MPP4: variants seen among roughly 807,000 people sequenced by gnomAD.
MPP4 encodes MAGUK p55 scaffold protein 4.
Under a neutral mutation model 98.3 loss-of-function variants are expected in MPP4, and 91 were observed. The ratio of observed to expected loss-of-function variants is 0.93; its 90% confidence interval spans 0.78 to 1.10. The LOEUF is 1.10. Among genes scored for constraint, MPP4 ranks in the 50% least tolerant of loss-of-function variants. MPP4 has a pLI of 0.00. For synonymous variants in MPP4, 261 were observed against 271.8 expected (o/e 0.96, Z 0.39); for missense variants, 744 against 792.9 (o/e 0.94, Z 0.74).
At chr2:201,651,768 A>G (rs1359951450) in intron 18 of MPP4, 1 of 469,584 alleles carries the variant, frequency 2.1e-6, no homozygotes, top group African/African-American at 2.1e-5. Flanking sequence ...AGCCTAGCCA[A>G]CATGGTGAAA....
chr2:201,676,813 T>C (rs918447142), intron 10 of MPP4, among the ~76,000 whole-genome samples: 1 of 152,104 alleles, frequency 6.6e-6, no homozygotes, highest in African/African-American at 2.4e-5. Flanking sequence ...GGCAGGGAAA[T>C]GGCTTGAACC....
In MPP4 at chr2:201,687,452, T is replaced by C. The variant is rs1559017978; in HGVS notation, c.280-81A>G. The C allele has an allele frequency of 1.8e-5, 18 of 1,017,132 alleles. No homozygotes were observed. In the East Asian group the frequency reaches 4.4e-4, roughly 25 times the overall value. The allele number at this position is 1,017,132 out of a possible 1,614,324, so 63.0% of individuals were successfully genotyped here. On this transcript the variant is annotated intron_variant, in intron 4 of 21. Transcript: ENST00000409474. The stretch of plus-strand genomic sequence containing the variant: ...TTAACCTCACCCAGGCTGGATAACA[T>C]ACATACTAACATGATATTGACCTTT...
chr2:201,662,094 A>G, intron 14 of MPP4: 1 of 384,310 alleles, frequency 2.6e-6, no homozygotes, highest in South Asian at 2.1e-5. Flanking sequence ...TTTTTTTATA[A>G]CTAATATTTG....
At chr2:201,656,998 C>T (rs544605951) in intron 16 of MPP4, among the ~76,000 whole-genome samples, 60 of 152,290 alleles carry the variant, frequency 3.9e-4, no homozygotes, top group South Asian at 6.2e-4. Context: ...CACACAGGGC[C>T]TCTGAAAGTG....
At chr2:201,669,781 G>A in intron 11 of MPP4, 31 bp from the exon 12 acceptor site, 1 of 1,366,700 alleles carries the variant, frequency 7.3e-7, no homozygotes. Flanking sequence ...GAAGCAGGGG[G>A]GATAAAAAGA....
chr2:201,674,572 T>C (rs6727377), intron 11 of MPP4, among the ~76,000 whole-genome samples: 152,280 of 152,284 alleles, frequency 1, 76,138 homozygotes, highest in Non-Finnish European at 1. Context: ...GGGGGAGATC[T>C]GATCTAGCCC....
chr2:201,675,586 C>G (rs1262800342), intron 10 of MPP4, among the ~76,000 whole-genome samples: 1 of 152,214 alleles, frequency 6.6e-6, no homozygotes, highest in Non-Finnish European at 1.5e-5. Flanking sequence ...GCCTCTCAGG[C>G]ATGTTAGCCT....
At chr2:201,680,760 G>A in intron 10 of MPP4, 78 bp downstream of exon 10, 1 of 1,303,322 alleles carries the variant, frequency 7.7e-7, no homozygotes. Flanking sequence ...ATCTCATCTT[G>A]AGGTAACAGA....
chr2:201,665,421 C>T (rs1222463962), intron 13 of MPP4: 1 of 152,004 alleles, frequency 6.6e-6, no homozygotes, highest in African/African-American at 2.4e-5. Flanking sequence ...ACTGAAGAAA[C>T]TATTAAAATT....
At chr2:201,686,126 T>C in intron 5 of MPP4, 76 bp from the exon 6 acceptor site, 3 of 1,515,002 alleles carry the variant, frequency 2.0e-6, no homozygotes, top group Non-Finnish European at 2.7e-6. Context: ...AACTCAATAC[T>C]ATCTAAGACA....
chr2:201,697,919 G>C, intron 1 of MPP4: 5 of 985,186 alleles, frequency 5.1e-6, no homozygotes, highest in Non-Finnish European at 6.0e-6. Context: ...ATGATGCCTG[G>C]CAAAAGACTT....
At chr2:201,670,194 A>G (rs1269879434) in intron 11 of MPP4, among the ~76,000 whole-genome samples, 1 of 152,202 alleles carries the variant, frequency 6.6e-6, no homozygotes, top group African/African-American at 2.4e-5. Flanking sequence ...TAACATTTTA[A>G]TAATCATCTG....
chr2:201,650,179 GGAAT>G lies in MPP4; in HGVS notation c.1382-18_1382-15del. ...TACGAGTAGTGTCTATCAGAAAAAG[GGAAT>G]GAAAGGTTTCAGTGTCTTCAGAATT... On this transcript the variant is annotated splice_polypyrimidine_tract_variant and intron_variant, in intron 18 of 21. Coordinates refer to ENST00000409474, the MANE Select transcript of MPP4 (RefSeq NM_033066.3). 1 of 1,551,708 alleles carries G rather than the reference GGAAT, an allele frequency of 6.4e-7. No individual in the cohort carries two copies. The highest frequency in any genetic ancestry group is 1.2e-5 in the South Asian group (1 of 82,368).
chr2:201,684,015 G>A (rs1334056559), intron 7 of MPP4, among the ~76,000 whole-genome samples: 1 of 151,924 alleles, frequency 6.6e-6, no homozygotes, highest in African/African-American at 2.4e-5. Context: ...AGCCCAGGAG[G>A]TTGACACCAG....
chr2:201,666,034 C>T (rs1239549589), intron 13 of MPP4: 2 of 241,750 alleles, frequency 8.3e-6, no homozygotes, highest in African/African-American at 2.2e-5. Context: ...TCACAAAGAG[C>T]AGAGGTTTCC....
At chr2:201,681,751 T>C (rs752224522) in intron 8 of MPP4, among the ~76,000 whole-genome samples, 184 bp from the exon 9 acceptor site, 5 of 152,082 alleles carry the variant, frequency 3.3e-5, no homozygotes, top group Non-Finnish European at 5.9e-5. Flanking sequence ...TACCCCTGCA[T>C]CTGCCCTGCT....
At chr2:201,675,182 C>A (rs768419042) in intron 11 of MPP4, 25 bp downstream of exon 11, 2 of 1,593,416 alleles carry the variant, frequency 1.3e-6, no homozygotes, top group South Asian at 2.3e-5. Context: ...ACAGGAAGAA[C>A]CTGTCGGGCA....
rs984455428 is a variant in MPP4, at chr2:201,645,077, GATTA to G, written c.*129_*132del. ...TACAATAAAAATTTTTTTCAAATAA[GATTA>G]ATTAATAAATTGCTGCACTTTTAAA... On this transcript the variant is annotated 3_prime_UTR_variant, in exon 22 of 22. Transcript: ENST00000409474. The G allele has an allele frequency of 7.4e-5, 60 of 815,892 alleles. No homozygotes were observed. The highest frequency in any genetic ancestry group is 3.9e-4 in the Middle Eastern group (1 of 2,596). 50.5% of individuals were successfully genotyped at this position (815,892 alleles called of 1,614,324 possible). A position where few individuals can be genotyped will look rare whatever the true frequency, so the allele number is the denominator to read the frequency against.
At chr2:201,687,748 T>G (rs1315164136) in intron 4 of MPP4, among the ~76,000 whole-genome samples, 1 of 152,220 alleles carries the variant, frequency 6.6e-6, no homozygotes, top group Non-Finnish European at 1.5e-5. Flanking sequence ...TATGAAGCTG[T>G]ATGAGTTTCT....
Sources: allele counts gnomAD v4.1 joint callset (sites outside exome capture counted in the v4.1 genomes callset), GRCh38; gene constraint gnomAD v4.1.1; transcripts MANE v1.5; gene names NCBI Gene and HGNC (gene_info 2026-07-23, HGNC 2026-07-21).